Variants in LRRC70 observed in about 807,000 individuals in gnomAD.
The protein encoded by LRRC70 is leucine rich repeat containing 70, also known as leucine-rich repeat-containing protein 70.
A neutral mutation model predicts 42.4 loss-of-function variants in LRRC70; 31 were observed. The ratio of observed to expected loss-of-function variants is 0.73; its 90% confidence interval spans 0.55 to 0.99. LRRC70 has a LOEUF of 0.99. Among genes scored for constraint, LRRC70 ranks in the 50% least tolerant of loss-of-function variants. LRRC70 has a pLI of 0.00. For missense variants in LRRC70, 643 were observed against 707.5 expected (o/e 0.91, Z 1.03); for synonymous variants, 270 against 262.9 (o/e 1.03, Z -0.26).
rs1744539481 is a variant in LRRC70, at chr5:62,581,080, A to G, written c.1642A>G (p.Lys548Glu). 3.2e-6 allele frequency: 5 copies of G among 1,549,378 alleles called. 1 individual carries two copies. The highest frequency in any genetic ancestry group is 1.7e-4 in the Middle Eastern group (1 of 5,970). The stretch of plus-strand genomic sequence containing the variant: ...TGTTTTAATCATTTTTTTGATCTAC[A>G]AAGTTGTTCAGTTTAAACAAAAACT... ...ACVLIIFLIY[K>E]VVQFKQKLKA... Residue 548 changes from lysine (K) to glutamate (E), a missense_variant, in exon 2 of 2, where the codon AAA becomes GAA. By Grantham distance (56) the Lys-to-Glu change is moderately conservative. Coordinates refer to ENST00000334994, the MANE Select transcript of LRRC70 (RefSeq NM_181506.5).
intron 1 of LRRC70, 29 bp from the exon 2 acceptor site, chr5:62,579,372 A>T (rs1381492451): frequency 6.9e-7 from 1 of 1,445,714 alleles, no homozygotes; most frequent in Non-Finnish European, 9.5e-7. Context: ...AGTTTTCGTG[A>T]TTTAAAGCTT....
At position 62,580,009 on chromosome 5, in the gene LRRC70, A is replaced by T; in HGVS notation, c.571A>T (p.Asn191Tyr). ...ALRILDLSNN[N>Y]ILRISESGFQ... ...TCGGATACTTGATTTATCAAACAAT[A>T]ACATTTTGAGGATATCAGAATCAGG... The change falls in exon 2 of 2, where the codon AAC becomes TAC. Residue 191 changes from asparagine to tyrosine, a missense_variant. Physicochemically the swap from Asn to Tyr is moderately radical, Grantham distance 143. Coordinates refer to ENST00000334994, the MANE Select transcript of LRRC70 (RefSeq NM_181506.5). The T allele has an allele frequency of 6.4e-7, 1 of 1,551,296 alleles. No homozygotes were observed. The highest frequency in any genetic ancestry group is 8.7e-7 in the Non-Finnish European group (1 of 1,146,764).
Position 62,581,399 on chromosome 5 carries a change from TATA to T in LRRC70, c.*95_*97del. The T allele has an allele frequency of 1.1e-6, 1 of 941,220 alleles. No homozygotes were observed. Among genetic ancestry groups the T allele is most frequent in the Middle Eastern group, 3.4e-4 (1 of 2,950 alleles). 58.3% of individuals were successfully genotyped at this position (941,220 alleles called of 1,614,324 possible). A position where few individuals can be genotyped will look rare whatever the true frequency, so the allele number is the denominator to read the frequency against. The stretch of plus-strand genomic sequence containing the variant: ...TATAATTATATACTTTAGTTGGAAA[TATA>T]ATGAATTATATGAGGTTAGCATTAT... On this transcript the variant is annotated 3_prime_UTR_variant, in exon 2 of 2. Coordinates refer to ENST00000334994, the MANE Select transcript of LRRC70 (RefSeq NM_181506.5).
At position 62,581,312 on chromosome 5, in the gene LRRC70, A is replaced by G; in HGVS notation, c.*5A>G. On this transcript the variant is annotated 3_prime_UTR_variant, in exon 2 of 2. Transcript: ENST00000334994. ...TTTGAACATTCTGCTTTATAACTCAACTAAATATTGTCTATAAGAAACTTC... is the reference window on the plus strand; with the variant it reads ...TTTGAACATTCTGCTTTATAACTCAGCTAAATATTGTCTATAAGAAACTTC... The G allele has an allele frequency of 6.7e-7, 1 of 1,494,018 alleles. No homozygotes were observed. 92.5% of individuals were successfully genotyped at this position (1,494,018 alleles called of 1,614,324 possible). A position where few individuals can be genotyped will look rare whatever the true frequency, so the allele number is the denominator to read the frequency against.
Position 62,581,087 on chromosome 5 carries a change from T to G in LRRC70, c.1649T>G (p.Val550Gly), listed in dbSNP as rs1033033394. ...ATCATTTTTTTGATCTACAAAGTTG[T>G]TCAGTTTAAACAAAAACTAAAGGCA... ...VLIIFLIYKV[V>G]QFKQKLKASE... is the part of the protein sequence containing the mutation. The change falls in exon 2 of 2, where the codon GTT becomes GGT. Residue 550 changes from valine (V) to glycine (G), a missense_variant. By Grantham distance (109) the Val-to-Gly change is moderately radical. Transcript: ENST00000334994. The G allele has an allele frequency of 3.7e-5, 58 of 1,549,134 alleles. No individual in the cohort carries two copies. The highest frequency in any genetic ancestry group is 5.1e-5 in the Non-Finnish European group (58 of 1,146,356).
Position 62,579,712 on chromosome 5 carries a change from G to T in LRRC70, c.274G>T (p.Asp92Tyr). Residue 92 changes from aspartate (D) to tyrosine (Y), a missense_variant, in exon 2 of 2, where the codon GAT becomes TAT. Physicochemically the swap from Asp to Tyr is radical, Grantham distance 160. Coordinates refer to ENST00000334994, the MANE Select transcript of LRRC70 (RefSeq NM_181506.5). ...TCATTCTCTTGTAGCATTGTATTTGGATAATTCTAACATTCTGTATGTATA... is the reference window on the plus strand; with the variant it reads ...TCATTCTCTTGTAGCATTGTATTTGTATAATTCTAACATTCTGTATGTATA... Reference protein sequence around the residue: ...GLHSLVALYLDNSNILYVYPK... With the variant: ...GLHSLVALYLYNSNILYVYPK... 1.9e-6 allele frequency: 3 copies of T among 1,548,454 alleles called. No individual in the cohort carries two copies. Among genetic ancestry groups the T allele is most frequent in the African/African-American group, 2.7e-5 (2 of 72,872 alleles).
rs142293264 is a variant in LRRC70, at chr5:62,580,268, A to G, written c.830A>G (p.Asn277Ser). 6.5e-7 allele frequency: 1 copy of G among 1,541,952 alleles called. No individual in the cohort carries two copies. Among genetic ancestry groups the G allele is most frequent in the East Asian group, 2.4e-5 (1 of 40,828 alleles). Residue 277 changes from asparagine to serine, a missense_variant, in exon 2 of 2, where the codon AAT becomes AGT. Physicochemically the swap from Asn to Ser is conservative, Grantham distance 46 (BLOSUM62 1). Coordinates refer to ENST00000334994, the MANE Select transcript of LRRC70 (RefSeq NM_181506.5). ...AGGGATGGGTTTAGTGGAATTAATA[A>G]TCTTAAACATTTGATCTTAAGTCAT... ...VTRDGFSGIN[N>S]LKHLILSHND...
In LRRC70 at chr5:62,581,210, C is replaced by T; in HGVS notation, c.1772C>T (p.Ser591Phe). The T allele has an allele frequency of 6.4e-7, 1 of 1,550,930 alleles. No individual in the cohort carries two copies. The highest frequency in any genetic ancestry group is 8.7e-7 in the Non-Finnish European group (1 of 1,146,690). ...TCAATTTGTAACACTTCCCCAAATT[C>T]TCTAGAAAGTCCTGGCTTGGAGCAG... ...TASICNTSPN[S>F]LESPGLEQIR... Residue 591 changes from serine to phenylalanine, a missense_variant, in exon 2 of 2, where the codon TCT becomes TTT. Transcript: ENST00000334994.
chr5:62,579,594 G>C lies in LRRC70; in HGVS notation c.156G>C (p.Ser52=). Reference sequence around the variant, plus strand: ...TTAACTGCCGTAACTTAGGCCTTTCGAGTATTCCTAAGAATTTTCCTGAAA... The same window carrying C: ...TTAACTGCCGTAACTTAGGCCTTTCCAGTATTCCTAAGAATTTTCCTGAAA... The part of the protein sequence containing the change: ...RQINCRNLGL[S]SIPKNFPEST... The change falls in exon 2 of 2, where the codon TCG becomes TCC. Residue 52 remains serine (S), a synonymous_variant. Transcript: ENST00000334994. 1 of 1,551,022 alleles carries C rather than the reference G, an allele frequency of 6.4e-7. No individual in the cohort carries two copies. Among genetic ancestry groups the C allele is most frequent in the Middle Eastern group, 1.7e-4 (1 of 5,980 alleles).
Position 62,579,602 on chromosome 5 carries a change from C to T in LRRC70, c.164C>T (p.Pro55Leu). The T allele has an allele frequency of 6.4e-7, 1 of 1,551,000 alleles. No homozygotes were observed. ...NCRNLGLSSIPKNFPESTVFL... is the reference protein window; with the variant it reads ...NCRNLGLSSILKNFPESTVFL... ...CGTAACTTAGGCCTTTCGAGTATTC[C>T]TAAGAATTTTCCTGAAAGTACAGTT... Residue 55 changes from proline (P) to leucine (L), a missense_variant, in exon 2 of 2, where the codon CCT becomes CTT. Physicochemically the swap from Pro to Leu is moderately conservative, Grantham distance 98. Coordinates refer to ENST00000334994, the MANE Select transcript of LRRC70 (RefSeq NM_181506.5).
chr5:62,581,029 T>C lies in LRRC70; in HGVS notation c.1591T>C (p.Leu531=), dbSNP rs1467327372. The change falls in exon 2 of 2, where the codon TTG becomes CTG. Residue 531 remains leucine, a synonymous_variant. Coordinates refer to ENST00000334994, the MANE Select transcript of LRRC70 (RefSeq NM_181506.5). ...VEKLNEAFDI[L]LAFFILACVL... is the part of the protein sequence containing the mutation. ...GAAGTTGAATGAGGCTTTTGACATT[T>C]TGCTAGCTTTTTTCATCTTAGCTTG... The C allele has an allele frequency of 6.4e-7, 1 of 1,551,118 alleles. No homozygotes were observed. The highest frequency in any genetic ancestry group is 2.4e-5 in the East Asian group (1 of 40,908).
In LRRC70 at chr5:62,580,986, T is replaced by C; in HGVS notation, c.1548T>C (p.Ile516=). The C allele has an allele frequency of 6.4e-7, 1 of 1,551,282 alleles. No homozygotes were observed. Among genetic ancestry groups the C allele is most frequent in the East Asian group, 2.4e-5 (1 of 40,910 alleles). ...AASMSGKTSL[I]CTQEVEKLNE... ...CAATGTCAGGGAAAACATCTCTAAT[T>C]TGTACACAAGAAGTTGAGAAGTTGA... The change falls in exon 2 of 2, where the codon ATT becomes ATC. Residue 516 remains isoleucine (I), a synonymous_variant. Coordinates refer to ENST00000334994, the MANE Select transcript of LRRC70 (RefSeq NM_181506.5).
chr5:62,579,410 A>G lies in LRRC70; in HGVS notation c.-29A>G. On this transcript the variant is annotated 5_prime_UTR_variant, in exon 2 of 2. Transcript: ENST00000334994. Reference sequence around the variant, plus strand: ...CCTTCTCTTTTTATAGCCAATTCTGATCTGAACAGAAAATCCAAGAACAGG... The same window carrying G: ...CCTTCTCTTTTTATAGCCAATTCTGGTCTGAACAGAAAATCCAAGAACAGG... 1 of 1,548,342 alleles carries G rather than the reference A, an allele frequency of 6.5e-7. No individual in the cohort carries two copies. Among genetic ancestry groups the G allele is most frequent in the Non-Finnish European group, 8.7e-7 (1 of 1,144,216 alleles).
chr5:62,579,050 A>C (rs552053384), intron 1 of LRRC70, 115 bp downstream of exon 1: 1 of 239,518 alleles, frequency 4.2e-6, no homozygotes, highest in South Asian at 4.8e-5. Context: ...ATAAATTATA[A>C]TGTTATTTGA....
chr5:62,579,089 TATTAA>T (rs1744438989), intron 1 of LRRC70, among the ~76,000 whole-genome samples, 154 bp downstream of exon 1: 1 of 152,118 alleles, frequency 6.6e-6, no homozygotes, highest in Non-Finnish European at 1.5e-5. Flanking sequence ...TAAAGGGACA[TATTAA>T]ATTCAAAGAT....
intron 1 of LRRC70, 69 bp from the exon 2 acceptor site, chr5:62,579,332 A>G: frequency 1.1e-6 from 1 of 951,702 alleles, no homozygotes; most frequent in Non-Finnish European, 1.7e-6. Context: ...TACAGAAGTT[A>G]TAGTATTATA....
chr5:62,579,990 A>G lies in LRRC70; in HGVS notation c.552A>G (p.Ile184Met), dbSNP rs2112402796. ...TTGTTGGTATGGTTGCTCTTCGGAT[A>G]CTTGATTTATCAAACAATAACATTT... Reference protein sequence around the residue: ...GTFVGMVALRILDLSNNNILR... With the variant: ...GTFVGMVALRMLDLSNNNILR... The change falls in exon 2 of 2, where the codon ATA becomes ATG. Residue 184 changes from isoleucine to methionine, a missense_variant. By Grantham distance (10) the Ile-to-Met change is conservative. Coordinates refer to ENST00000334994, the MANE Select transcript of LRRC70 (RefSeq NM_181506.5). 2 of 1,551,322 alleles carry G rather than the reference A, an allele frequency of 1.3e-6. No individual in the cohort carries two copies. Among genetic ancestry groups the G allele is most frequent in the Non-Finnish European group, 8.7e-7 (1 of 1,146,750 alleles).
chr5:62,580,250 G>C lies in LRRC70; in HGVS notation c.812G>C (p.Gly271Ala), dbSNP rs950364928. 6.5e-7 allele frequency: 1 copy of C among 1,546,324 alleles called. No homozygotes were observed. Among genetic ancestry groups the C allele is most frequent in the African/African-American group, 1.4e-5 (1 of 72,818 alleles). ...AGAATTAGGAATGTTACTAGGGATG[G>C]GTTTAGTGGAATTAATAATCTTAAA... The part of the protein sequence containing the change: ...NSRIRNVTRD[G>A]FSGINNLKHL... The change falls in exon 2 of 2, where the codon GGG (glycine) becomes GCG (alanine). Residue 271 changes from glycine to alanine, a missense_variant. Gly to Ala is a moderately conservative substitution (Grantham distance 60, BLOSUM62 0). Transcript: ENST00000334994.
Sources: allele counts gnomAD v4.1 joint callset (sites outside exome capture counted in the v4.1 genomes callset), GRCh38; gene constraint gnomAD v4.1.1; transcripts MANE v1.5; gene names NCBI Gene and HGNC (gene_info 2026-07-23, HGNC 2026-07-21).